VSTM2A: variants seen among roughly 807,000 people sequenced by gnomAD.
The protein encoded by VSTM2A is V-set and transmembrane domain-containing protein 2A.
A neutral mutation model predicts 27.3 loss-of-function variants in VSTM2A; 13 were observed. The ratio of observed to expected loss-of-function variants is 0.48; its 90% CI spans 0.31 to 0.76. The LOEUF is 0.76. Among genes scored for constraint, VSTM2A ranks in the 30% least tolerant of loss-of-function variants. VSTM2A has a pLI of 0.05. For synonymous variants in VSTM2A, 142 were observed against 125.7 expected (o/e 1.13, Z -0.87); for missense variants, 280 against 310.0 (o/e 0.90, Z 0.73).
chr7:54,559,542 A>G (rs1487950796), intron 4 of VSTM2A: 1 of 152,192 alleles, frequency 6.6e-6, no homozygotes, highest in Non-Finnish European at 1.5e-5. Context: ...TGCCACTGGC[A>G]TGGTGAATCA....
At chr7:54,550,530 A>C in intron 4 of VSTM2A, 2 of 360,472 alleles carry the variant, frequency 5.5e-6, no homozygotes, top group Admixed American at 4.4e-5. Flanking sequence ...TAATGACCCA[A>C]ATTAAGAGGC....
rs1413066357 is a variant in VSTM2A, at chr7:54,570,793, T to C, written c.*1574T>C. 6.6e-6 allele frequency: 1 copy of C among 152,138 alleles called. No homozygotes were observed. The highest frequency in any genetic ancestry group is 1.5e-5 in the Non-Finnish European group (1 of 68,000). 9.4% of individuals were successfully genotyped at this position (152,138 alleles called of 1,614,324 possible). ...AGAGAGACTCTTCCATTTTCTCTCA[T>C]TACAAAACCAGAAGATCAGCTATGT... is the stretch of plus-strand genomic sequence containing the variant. On this transcript the variant is annotated 3_prime_UTR_variant, in exon 5 of 5. Transcript: ENST00000402613.
At chr7:54,546,283 A>T in intron 2 of VSTM2A, 1 of 151,226 alleles carries the variant, frequency 6.6e-6, no homozygotes, top group Non-Finnish European at 1.4e-5. Context: ...GAGGGTGGTG[A>T]GGTGGGGAAG....
At chr7:54,559,528 A>G (rs1788482343) in intron 4 of VSTM2A, 1 of 152,224 alleles carries the variant, frequency 6.6e-6, no homozygotes, top group African/African-American at 2.4e-5. Flanking sequence ...ACATTCTGCT[A>G]CATTGCCACT....
intron 4 of VSTM2A, among the ~76,000 whole-genome samples, chr7:54,562,447 C>T (rs1168113523): frequency 6.6e-6 from 1 of 151,944 alleles, no homozygotes; most frequent in Non-Finnish European, 1.5e-5. Context: ...TGATGGAGGT[C>T]TATAGAAACA....
intron 2 of VSTM2A, 79 bp from the exon 3 acceptor site, chr7:54,546,868 C>T: frequency 1.3e-6 from 2 of 1,570,334 alleles, no homozygotes; most frequent in South Asian, 1.1e-5. Context: ...CTGCCCGGAG[C>T]CGCGAAGGCT....
At chr7:54,546,580 CCACCTCCGGGCGCG>C (rs1787991282) in intron 2 of VSTM2A, 1 of 187,864 alleles carries the variant, frequency 5.3e-6, no homozygotes, top group Non-Finnish European at 1.1e-5. Context: ...GCCCGCCCAC[CCACCTCCGGGCGCG>C]CGTCCGCACG....
At chr7:54,546,796 G>A (rs1788006544) in intron 2 of VSTM2A, 151 bp from the exon 3 acceptor site, 1 of 831,018 alleles carries the variant, frequency 1.2e-6, no homozygotes, top group Non-Finnish European at 1.8e-6. Flanking sequence ...GTGCGGTCTG[G>A]GCCTGGACAG....
chr7:54,546,748 G>A, intron 2 of VSTM2A, 199 bp from the exon 3 acceptor site: 1 of 562,194 alleles, frequency 1.8e-6, no homozygotes, highest in South Asian at 2.3e-5. Flanking sequence ...GGGTATGCCA[G>A]GGACAGCGTG....
chr7:54,547,112 C>T, intron 3 of VSTM2A, 115 bp downstream of exon 3: 2 of 1,219,528 alleles, frequency 1.6e-6, no homozygotes, highest in South Asian at 1.6e-5. Flanking sequence ...CCGGGTGCCC[C>T]TTGCTTGCCT....
At chr7:54,553,749 A>G in intron 4 of VSTM2A, 1 of 1,372,436 alleles carries the variant, frequency 7.3e-7, no homozygotes, top group East Asian at 2.5e-5. Flanking sequence ...CTTGACCAGG[A>G]TGGAGTGGTT....
At chr7:54,549,395 CA>C (rs1788107818) in intron 3 of VSTM2A, among the ~76,000 whole-genome samples, 1 of 152,178 alleles carries the variant, frequency 6.6e-6, no homozygotes, top group Admixed American at 6.5e-5. Context: ...TCATGACCAA[CA>C]AAATATTTTT....
Position 54,544,635 on chromosome 7 carries a change from GT to G in VSTM2A, c.96del (p.Pro33ArgfsTer4). The G allele has an allele frequency of 6.2e-7, 1 of 1,612,940 alleles. No homozygotes were observed. Among genetic ancestry groups the G allele is most frequent in the Non-Finnish European group, 8.5e-7 (1 of 1,179,870 alleles). ...TCTGTTTTGCAGCAAAATTTACCGA[GT>G]TTCCGCGGAACGTGACGGCGACCGA... ...GLSSQAKFTE[F>X]PRNVTATEGQ... On this transcript the variant is annotated frameshift_variant, in exon 2 of 5. Coordinates refer to ENST00000402613, the MANE Select transcript of VSTM2A (RefSeq NM_001301009.2). LOFTEE classifies it high-confidence loss of function.
chr7:54,569,344 AGAAC>A lies in VSTM2A; in HGVS notation c.*127_*130del. The A allele has an allele frequency of 6.9e-7, 1 of 1,456,746 alleles. No homozygotes were observed. The highest frequency in any genetic ancestry group is 2.6e-5 in the Admixed American group (1 of 38,970). 90.2% of individuals were successfully genotyped at this position (1,456,746 alleles called of 1,614,324 possible). On this transcript the variant is annotated 3_prime_UTR_variant, in exon 5 of 5. Coordinates refer to ENST00000402613, the MANE Select transcript of VSTM2A (RefSeq NM_001301009.2). The stretch of plus-strand genomic sequence containing the variant: ...TTTAAGAGAATTAACGTGAAGTGAT[AGAAC>A]GTTTTCTAATAGCAAGATCTATTTT...
At chr7:54,543,948 C>A (rs1471828245) in intron 1 of VSTM2A, among the ~76,000 whole-genome samples, 1 of 152,144 alleles carries the variant, frequency 6.6e-6, no homozygotes, top group East Asian at 1.9e-4. Flanking sequence ...ATAGTGACTT[C>A]TAAATAATAT....
At chr7:54,567,929 T>G (rs752278574) in intron 4 of VSTM2A, among the ~76,000 whole-genome samples, 1 of 152,188 alleles carries the variant, frequency 6.6e-6, no homozygotes, top group Non-Finnish European at 1.5e-5. Context: ...AACTGAGCTA[T>G]CACTGTTGCA....
chr7:54,543,768 T>A (rs1370649251), intron 1 of VSTM2A, among the ~76,000 whole-genome samples: 1 of 152,122 alleles, frequency 6.6e-6, no homozygotes, highest in Non-Finnish European at 1.5e-5. Context: ...AAGTGCCCCT[T>A]AGATAAGATA....
chr7:54,545,051 G>C (rs1462092692), intron 2 of VSTM2A, among the ~76,000 whole-genome samples: 1 of 152,188 alleles, frequency 6.6e-6, no homozygotes, highest in African/African-American at 2.4e-5. Context: ...CTGGTACTTA[G>C]GCAGATGCCC....
intron 3 of VSTM2A, among the ~76,000 whole-genome samples, chr7:54,547,402 T>G (rs995115604): frequency 1.3e-4 from 20 of 152,230 alleles, no homozygotes; most frequent in African/African-American, 4.8e-4. Context: ...AACAGGATAC[T>G]GAAATTGTGA....
Sources: gnomAD v4.1 joint callset for allele counts (sites outside exome capture counted in the v4.1 genomes callset) on GRCh38, gnomAD v4.1.1 for gene constraint, MANE v1.5 for transcripts, NCBI Gene and HGNC (gene_info 2026-07-23, HGNC 2026-07-21) for gene names.